The following CCKBR variants were observed in gnomAD, a reference collection of about 807,000 sequenced individuals.
The protein encoded by CCKBR is cholecystokinin B receptor, also known as gastrin/cholecystokinin type B receptor.
CCKBR carries 33 observed loss-of-function variants against 34.6 expected under a neutral mutation model. The ratio of observed to expected loss-of-function variants is 0.95; its 90% CI spans 0.72 to 1.27. CCKBR has a LOEUF of 1.27. Among genes scored for constraint, CCKBR ranks in the 50% most tolerant of loss-of-function variants. CCKBR has a pLI of 0.00. For synonymous variants in CCKBR, 269 were observed against 267.5 expected, an observed-to-expected ratio of 1.01 and a Z score of -0.06; for missense variants, 652 against 617.4, an observed-to-expected ratio of 1.06 and a Z score of -0.59.
At chr11:6,260,518 G>C (rs1848113918) in intron 1 of CCKBR, among the ~76,000 whole-genome samples, 1 of 152,198 alleles carries the variant, frequency 6.6e-6, no homozygotes, top group African/African-American at 2.4e-5. Flanking sequence ...GGTTGAGGGA[G>C]GGAGCACTCT....
chr11:6,271,480 T>A lies in CCKBR; in HGVS notation c.1281T>A (p.Thr427=). 1 of 1,612,248 alleles carries A rather than the reference T, an allele frequency of 6.2e-7. No homozygotes were observed. The highest frequency in any genetic ancestry group is 1.3e-5 in the African/African-American group (1 of 75,032). Reference sequence around the variant, plus strand: ...CTCTTCCCGATGAGGACCCTCCCACTCCCTCCATTGCTTCGCTGTCCAGGC... The same window carrying A: ...CTCTTCCCGATGAGGACCCTCCCACACCCTCCATTGCTTCGCTGTCCAGGC... The part of the protein sequence containing the change: ...PRALPDEDPP[T]PSIASLSRLS... Residue 427 remains threonine (T), a synonymous_variant, in exon 5 of 5, where the codon ACT becomes ACA. Transcript: ENST00000334619.
Position 6,259,838 on chromosome 11 carries a change from A to C in CCKBR, c.-91A>C, listed in dbSNP as rs1848098824. 2 of 1,128,742 alleles carry C rather than the reference A, an allele frequency of 1.8e-6. No homozygotes were observed. The highest frequency in any genetic ancestry group is 2.4e-6 in the Non-Finnish European group (2 of 848,212). 69.9% of individuals were successfully genotyped at this position (1,128,742 alleles called of 1,614,324 possible). A position where few individuals can be genotyped will look rare whatever the true frequency, so the allele number is the denominator to read the frequency against. ...GGGGCAGGGAGAGGAGGGCGGCGGGAGCCTGAGCCGGAATCGCAGCGTGAG... is the reference window on the plus strand; with the variant it reads ...GGGGCAGGGAGAGGAGGGCGGCGGGCGCCTGAGCCGGAATCGCAGCGTGAG... On this transcript the variant is annotated 5_prime_UTR_variant, in exon 1 of 5. Coordinates refer to ENST00000334619, the MANE Select transcript of CCKBR (RefSeq NM_176875.4).
Position 6,271,615 on chromosome 11 carries a change from A to G in CCKBR, c.*72A>G. Reference sequence around the variant, plus strand: ...TGACCCTTCCAGACATACGAAACACAAACCACAACTGACACAGGAAACCAA... The same window carrying G: ...TGACCCTTCCAGACATACGAAACACGAACCACAACTGACACAGGAAACCAA... On this transcript the variant is annotated 3_prime_UTR_variant, in exon 5 of 5. Transcript: ENST00000334619. 7.1e-7 allele frequency: 1 copy of G among 1,408,944 alleles called. No homozygotes were observed. The highest frequency in any genetic ancestry group is 9.5e-7 in the Non-Finnish European group (1 of 1,054,678). The allele number at this position is 1,408,944 out of a possible 1,614,324, so 87.3% of individuals were successfully genotyped here. A position where few individuals can be genotyped will look rare whatever the true frequency, so the allele number is the denominator to read the frequency against.
chr11:6,271,852 T>C lies in CCKBR; in HGVS notation c.*309T>C, dbSNP rs1226118862. ...GTGGGAACTCTGACAAGGGCTGACC[T>C]GCCTCTCACACACATAGATTAATGG... is the stretch of plus-strand genomic sequence containing the variant. On this transcript the variant is annotated 3_prime_UTR_variant, in exon 5 of 5. Transcript: ENST00000334619. The C allele has an allele frequency of 8.3e-5, 30 of 360,266 alleles. No individual in the cohort carries two copies. Among genetic ancestry groups the C allele is most frequent in the Non-Finnish European group, 1.4e-4 (28 of 199,018 alleles). 22.3% of individuals were successfully genotyped at this position (360,266 alleles called of 1,614,324 possible).
rs770280641 is a variant in CCKBR at position 6,269,707 on chromosome 11, A to G, written c.190A>G (p.Ile64Val). ...CATTAGAATCACTCTTTACGCAGTG[A>G]TCTTCCTGATGAGCGTTGGAGGAAA... is the stretch of plus-strand genomic sequence containing the variant. ...LAIRITLYAV[I>V]FLMSVGGNML... is the part of the protein sequence containing the mutation. The change falls in exon 2 of 5, where the codon ATC becomes GTC. Residue 64 changes from isoleucine to valine, a missense_variant. Coordinates refer to ENST00000334619, the MANE Select transcript of CCKBR (RefSeq NM_176875.4). 4 of 1,613,878 alleles carry G rather than the reference A, an allele frequency of 2.5e-6. No individual in the cohort carries two copies. In the African/African-American group the frequency reaches 4.0e-5, roughly 16 times the overall value.
intron 1 of CCKBR, chr11:6,264,494 C>T: frequency 1.4e-6 from 1 of 696,760 alleles, no homozygotes; most frequent in East Asian, 2.7e-5. Context: ...TACAGATCTT[C>T]TAAACACCAG....
In CCKBR at chr11:6,270,718, T is replaced by C. The variant is rs752846718; in HGVS notation, c.726T>C (p.Ser242=). The C allele has an allele frequency of 1.2e-6, 2 of 1,614,230 alleles. No homozygotes were observed. The highest frequency in any genetic ancestry group is 1.7e-5 in the Admixed American group (1 of 60,030). Residue 242 remains serine, a synonymous_variant, in exon 4 of 5, where the codon TCT becomes TCC. Transcript: ENST00000334619. The stretch of plus-strand genomic sequence containing the variant: ...TGGCCGTGGCCTACGGGCTTATCTC[T>C]CGCGAGCTCTACTTAGGGCTTCGCT... ...VVMAVAYGLI[S]RELYLGLRFD...
At position 6,271,053 on chromosome 11, in the gene CCKBR, C is replaced by T. The variant is rs749320440; in HGVS notation, c.854C>T (p.Ala285Val). ...QNGRCRPETG[A>V]VGEDSDGCYV... ...GGGCGTTGCCGGCCTGAGACTGGCG[C>T]GGTTGGCGAAGACAGCGATGGCTGC... Residue 285 changes from alanine (A) to valine (V), a missense_variant, in exon 5 of 5, where the codon GCG (alanine) becomes GTG (valine). Ala to Val is a moderately conservative substitution (Grantham distance 64, BLOSUM62 0). Transcript: ENST00000334619. The T allele has an allele frequency of 1.2e-6, 2 of 1,614,156 alleles. No individual in the cohort carries two copies. Among genetic ancestry groups the T allele is most frequent in the Admixed American group, 1.7e-5 (1 of 60,034 alleles).
intron 1 of CCKBR, among the ~76,000 whole-genome samples, chr11:6,262,704 G>GAA (rs1848152940): frequency 6.2e-5 from 9 of 145,290 alleles, no homozygotes; most frequent in Non-Finnish European, 6.1e-5. Context: ...GAGAGAGAGA[G>GAA]AGAGAGAGAG....
Position 6,269,797 on chromosome 11 carries a change from C to A in CCKBR, c.280C>A (p.Leu94Ile). The change falls in exon 2 of 5, where the codon CTC becomes ATC. Residue 94 changes from leucine to isoleucine, a missense_variant. Coordinates refer to ENST00000334619, the MANE Select transcript of CCKBR (RefSeq NM_176875.4). ...GAGGACTGTCACCAATGCCTTCCTC[C>A]TCTCACTGGCAGTCAGCGACCTCCT... ...RLRTVTNAFLLSLAVSDLLLA... is the reference protein window; with the variant it reads ...RLRTVTNAFLISLAVSDLLLA... 1 of 1,614,174 alleles carries A rather than the reference C, an allele frequency of 6.2e-7. No homozygotes were observed. Among genetic ancestry groups the A allele is most frequent in the African/African-American group, 1.3e-5 (1 of 75,034 alleles).
chr11:6,260,959 G>A (rs1848120411), intron 1 of CCKBR, among the ~76,000 whole-genome samples: 1 of 152,350 alleles, frequency 6.6e-6, no homozygotes, highest in South Asian at 2.1e-4. Context: ...GCTGGGTCTT[G>A]AAGTTGAGTA....
chr11:6,264,291 G>C (rs1478479189), intron 1 of CCKBR, among the ~76,000 whole-genome samples: 2 of 152,224 alleles, frequency 1.3e-5, no homozygotes, highest in East Asian at 3.8e-4. Context: ...TTATCATAGA[G>C]ACAAGGGTAT....
chr11:6,264,458 C>T (rs1848180785), intron 1 of CCKBR: 1 of 653,306 alleles, frequency 1.5e-6, no homozygotes, highest in Non-Finnish European at 2.8e-6. Context: ...ACTCATACTT[C>T]TCTGCCATTA....
chr11:6,266,670 T>G (rs973928187), intron 1 of CCKBR, among the ~76,000 whole-genome samples: 2 of 152,156 alleles, frequency 1.3e-5, no homozygotes, highest in African/African-American at 2.4e-5. Flanking sequence ...TACTGCTGAG[T>G]TCGGTTTGGA....
At chr11:6,268,339 T>C (rs937215277) in intron 1 of CCKBR, among the ~76,000 whole-genome samples, 2 of 152,184 alleles carry the variant, frequency 1.3e-5, no homozygotes, top group African/African-American at 4.8e-5. Flanking sequence ...TCCCCTGCCC[T>C]CTCTACCTTC....
rs527295880 is a variant in CCKBR at position 6,259,926 on chromosome 11, G to C, written c.-3G>C. 9 of 1,444,698 alleles carry C rather than the reference G, an allele frequency of 6.2e-6. 1 individual carries two copies. The South Asian group carries it at 1.3e-4, about 20-fold the overall frequency. 89.5% of individuals were successfully genotyped at this position (1,444,698 alleles called of 1,614,324 possible). A position where few individuals can be genotyped will look rare whatever the true frequency, so the allele number is the denominator to read the frequency against. ...GAGTAAGGCGGCGGGCTCGGCGGGG[G>C]CCATGGAGCTGCTAAAGCTGAACCG... On this transcript the variant is annotated 5_prime_UTR_variant, in exon 1 of 5. Transcript: ENST00000334619.
rs1042045 is a variant in CCKBR at position 6,271,135 on chromosome 11, T to G, written c.936T>G (p.Pro312=). Residue 312 remains proline (P), a synonymous_variant, in exon 5 of 5, where the codon CCT becomes CCG. Transcript: ENST00000334619. ...PALELTALTA[P]GPGSGSRPTQ... ...TGGAGCTGACGGCGCTGACGGCTCC[T>G]GGGCCGGGATCCGGCTCCCGGCCCA... 6.2e-7 allele frequency: 1 copy of G among 1,613,914 alleles called. No homozygotes were observed. Among genetic ancestry groups the G allele is most frequent in the South Asian group, 1.1e-5 (1 of 91,062 alleles).
Position 6,269,707 on chromosome 11 carries a change from A to T in CCKBR, c.190A>T (p.Ile64Phe), listed in dbSNP as rs770280641. ...CATTAGAATCACTCTTTACGCAGTG[A>T]TCTTCCTGATGAGCGTTGGAGGAAA... The part of the protein sequence containing the change: ...LAIRITLYAV[I>F]FLMSVGGNML... The change falls in exon 2 of 5, where the codon ATC (isoleucine) becomes TTC (phenylalanine). Residue 64 changes from isoleucine (I) to phenylalanine (F), a missense_variant. By Grantham distance (21) the Ile-to-Phe change is conservative (BLOSUM62 0). Coordinates refer to ENST00000334619, the MANE Select transcript of CCKBR (RefSeq NM_176875.4). The T allele has an allele frequency of 5.6e-6, 9 of 1,613,996 alleles. No individual in the cohort carries two copies. Among genetic ancestry groups the T allele is most frequent in the Non-Finnish European group, 7.6e-6 (9 of 1,179,988 alleles).
chr11:6,261,129 C>G (rs930253965), intron 1 of CCKBR, among the ~76,000 whole-genome samples: 1 of 152,130 alleles, frequency 6.6e-6, no homozygotes, highest in East Asian at 1.9e-4. Flanking sequence ...GTTACACACT[C>G]ACACTTGGAT....
Sources: gnomAD v4.1 joint callset for allele counts (sites outside exome capture counted in the v4.1 genomes callset) on GRCh38, gnomAD v4.1.1 for gene constraint, MANE v1.5 for transcripts, NCBI Gene and HGNC (gene_info 2026-07-23, HGNC 2026-07-21) for gene names.